The following DNAH14 variants were observed in gnomAD, a reference collection of about 807,000 sequenced individuals.
DNAH14 encodes the protein axonemal beta dynein heavy chain 14.
DNAH14 carries 478 observed loss-of-function variants against 520.9 expected under a neutral mutation model. That is an observed-to-expected ratio of 0.92 (90% CI 0.85 to 0.99). The LOEUF (loss-of-function observed/expected upper bound fraction) is 0.99. Ranked by LOEUF, DNAH14 falls within the 50% of genes least tolerant of loss-of-function variation. The pLI is 0.00. For missense variants in DNAH14, 4,831 were observed against 5,234.5 expected (o/e 0.92, Z 2.38); for synonymous variants, 1,581 against 1,757.2 (o/e 0.90, Z 2.51).
At chr1:225,049,495 T>C (rs1208892964) in intron 15 of DNAH14, among the ~76,000 whole-genome samples, 1 of 152,160 alleles carries the variant, frequency 6.6e-6, no homozygotes, top group Non-Finnish European at 1.5e-5. Context: ...TCCCAATCTG[T>C]GCCTTATCTT....
intron 20 of DNAH14, among the ~76,000 whole-genome samples, chr1:225,083,825 G>T (rs980879870): frequency 1.3e-5 from 2 of 152,086 alleles, no homozygotes; most frequent in African/African-American, 4.8e-5. Flanking sequence ...ACCAACAGAT[G>T]AATTTATTTC....
chr1:225,050,169 T>C, intron 15 of DNAH14, 41 bp from the exon 16 acceptor site: 3 of 1,486,104 alleles, frequency 2.0e-6, no homozygotes, highest in Non-Finnish European at 2.7e-6. Context: ...TTGCTTTCAA[T>C]GGCATTTCTG....
chr1:225,377,132 C>G, intron 78 of DNAH14, 105 bp from the exon 79 acceptor site: 1 of 910,474 alleles, frequency 1.1e-6, no homozygotes, highest in East Asian at 2.9e-5. Flanking sequence ...AAAATATTGT[C>G]TTCAAGCATT....
At chr1:225,144,355 A>G (rs1378489159) in intron 28 of DNAH14, 42 bp from the exon 29 acceptor site, 5 of 1,401,390 alleles carry the variant, frequency 3.6e-6, no homozygotes, top group Non-Finnish European at 3.9e-6. Context: ...ACATAAAAAT[A>G]ATTTAACCAA....
intron 36 of DNAH14, among the ~76,000 whole-genome samples, chr1:225,172,089 A>T (rs1226547447): frequency 4.6e-5 from 7 of 152,188 alleles, no homozygotes; most frequent in African/African-American, 1.7e-4. Flanking sequence ...AAAACTCTCA[A>T]TAAGGTATTG....
At chr1:225,222,531 G>T (rs1023605805) in intron 41 of DNAH14, among the ~76,000 whole-genome samples, 2 of 152,134 alleles carry the variant, frequency 1.3e-5, no homozygotes, top group African/African-American at 4.8e-5. Context: ...GCTGGCTGGG[G>T]TTGCCAGCTT....
At chr1:224,938,222 C>T (rs1264476353) in intron 1 of DNAH14, among the ~76,000 whole-genome samples, 1 of 152,164 alleles carries the variant, frequency 6.6e-6, no homozygotes. Flanking sequence ...TAAGCTTCCA[C>T]ACAGCAAAAG....
chr1:225,171,367 C>T (rs569298709), intron 36 of DNAH14, among the ~76,000 whole-genome samples: 54 of 151,822 alleles, frequency 3.6e-4, no homozygotes, highest in South Asian at 1.3e-3. Flanking sequence ...ATTGATAGAC[C>T]GCTAGCAAAA....
intron 60 of DNAH14, among the ~76,000 whole-genome samples, chr1:225,310,304 A>G (rs907946525): frequency 6.6e-6 from 1 of 152,152 alleles, no homozygotes; most frequent in Admixed American, 6.5e-5. Context: ...ATACAAAATT[A>G]CAGTACACAA....
At chr1:225,272,235 A>G (rs1357950973) in intron 51 of DNAH14, among the ~76,000 whole-genome samples, 162 bp downstream of exon 51, 2 of 152,236 alleles carry the variant, frequency 1.3e-5, no homozygotes, top group East Asian at 3.8e-4. Flanking sequence ...AAAAATTGTT[A>G]AAATAATTCC....
intron 34 of DNAH14, among the ~76,000 whole-genome samples, chr1:225,155,933 C>T (rs1002198141): frequency 2.0e-5 from 3 of 152,032 alleles, no homozygotes; most frequent in Non-Finnish European, 4.4e-5. Flanking sequence ...AGTGAACAAC[C>T]AAAAAATTAA....
intron 27 of DNAH14, among the ~76,000 whole-genome samples, chr1:225,133,543 A>G (rs1011731680): frequency 2.6e-5 from 4 of 151,810 alleles, no homozygotes; most frequent in African/African-American, 9.7e-5. Flanking sequence ...TGTAGGTGTG[A>G]GGTTCTATTT....
In DNAH14 at chr1:225,392,533, C is replaced by A; in HGVS notation, c.13491+82C>A. The A allele has an allele frequency of 2.7e-6, 4 of 1,499,884 alleles. No homozygotes were observed. The South Asian group carries it at 5.3e-5, about 20-fold the overall frequency. 92.9% of individuals were successfully genotyped at this position (1,499,884 alleles called of 1,614,324 possible). A position where few individuals can be genotyped will look rare whatever the true frequency, so the allele number is the denominator to read the frequency against. ...TTCAATCAATTGTGCCCTTTACAAA[C>A]CTTTACTCAGCACTTACCACATGCC... is the stretch of plus-strand genomic sequence containing the variant. On this transcript the variant is annotated intron_variant, in intron 84 of 85. Coordinates refer to ENST00000682510, the MANE Select transcript of DNAH14 (RefSeq NM_001367479.1).
rs569176756 is a variant in DNAH14, at chr1:225,125,202, G to A, written c.4254+1588G>A. On this transcript the variant is annotated intron_variant, in intron 27 of 85. Coordinates refer to ENST00000682510, the MANE Select transcript of DNAH14 (RefSeq NM_001367479.1). ...TTAAGGGTCCTAGGATTTTCAAAACGGTAAGTGAGCATTGGCTTCAATTTA... is the reference window on the plus strand; with the variant it reads ...TTAAGGGTCCTAGGATTTTCAAAACAGTAAGTGAGCATTGGCTTCAATTTA... 4.6e-5 allele frequency among the ~76,000 whole-genome samples: 7 copies of A among 152,222 alleles called. No individual in the cohort carries two copies. In the East Asian group the frequency reaches 7.7e-4, roughly 17 times the overall value.
At chr1:225,099,728 G>GT (rs1392828520) in intron 22 of DNAH14, among the ~76,000 whole-genome samples, 3 of 152,174 alleles carry the variant, frequency 2.0e-5, no homozygotes, top group African/African-American at 7.2e-5. Flanking sequence ...AGGAATGGTT[G>GT]TAAGAGGTCA....
In DNAH14 at chr1:225,086,168, C is replaced by T. The variant is rs142912875; in HGVS notation, c.3573+379C>T. Among the ~76,000 whole-genome samples the T allele has an allele frequency of 3.8e-3, 569 of 151,546 alleles. 3 individuals carry two copies. Among genetic ancestry groups the T allele is most frequent in the African/African-American group, 9.9e-3 (409 of 41,282 alleles). On this transcript the variant is annotated intron_variant, in intron 21 of 85. Coordinates refer to ENST00000682510, the MANE Select transcript of DNAH14 (RefSeq NM_001367479.1). The stretch of plus-strand genomic sequence containing the variant: ...TATTTTTTGAGACAGAGTCTTACTC[C>T]GTCACCCAGGCTGGAGTGCAGTGGT...
chr1:225,274,240 T>G (rs1396756967), intron 52 of DNAH14, among the ~76,000 whole-genome samples: 1 of 142,384 alleles, frequency 7.0e-6, no homozygotes, highest in African/African-American at 2.6e-5. Context: ...AGTCTCGTTC[T>G]GTCGCCCAGG....
Position 224,967,583 on chromosome 1 carries a change from G to C in DNAH14, c.651G>C (p.Lys217Asn). The change falls in exon 6 of 86, where the codon AAG becomes AAC. Residue 217 changes from lysine to asparagine, a missense_variant and splice_region_variant. Transcript: ENST00000682510. ...TTATTACTGCTTCATTTATCTCAAA[G>C]GTAATGTTTAATGGATGTTTTAAGC... ...FWVITASFIS[K>N]VINIVGSVKE... 6.3e-7 allele frequency: 1 copy of C among 1,598,386 alleles called. No individual in the cohort carries two copies. Among genetic ancestry groups the C allele is most frequent in the Non-Finnish European group, 8.5e-7 (1 of 1,174,972 alleles).
At chr1:225,267,063 G>T (rs2093141873) in intron 49 of DNAH14, among the ~76,000 whole-genome samples, 1 of 152,042 alleles carries the variant, frequency 6.6e-6, no homozygotes, top group Non-Finnish European at 1.5e-5. Context: ...AACTGCATCA[G>T]TAGTTAATCA....
Sources: allele counts gnomAD v4.1 joint callset (sites outside exome capture counted in the v4.1 genomes callset), GRCh38; gene constraint gnomAD v4.1.1; transcripts MANE v1.5; gene names NCBI Gene and HGNC (gene_info 2026-07-23, HGNC 2026-07-21).